MYZAP: variants seen among roughly 807,000 people sequenced by gnomAD.
MYZAP encodes myocardial zonula adherens protein, also known as GRINL1A complex locus upstream.
Under a neutral mutation model 69.4 loss-of-function variants are expected in MYZAP, and 66 were observed. The observed-to-expected ratio is 0.95, with a 90% confidence interval of 0.78 to 1.17. MYZAP has a LOEUF of 1.17. MYZAP is among the 50% of genes most tolerant of loss of function. The pLI is 0.00. For synonymous variants in MYZAP, 256 were observed against 205.9 expected (o/e 1.24, Z -2.09); for missense variants, 611 against 556.2 (o/e 1.10, Z -0.99).
At chr15:57,626,535 A>T (rs888142643) in intron 5 of MYZAP, among the ~76,000 whole-genome samples, 1 of 152,176 alleles carries the variant, frequency 6.6e-6, no homozygotes, top group African/African-American at 2.4e-5. Flanking sequence ...CAAGTCCCCT[A>T]ACATGCAAAT....
At chr15:57,632,234 A>C (rs1304137172) in intron 6 of MYZAP, among the ~76,000 whole-genome samples, 200 bp from the exon 7 acceptor site, 1 of 152,212 alleles carries the variant, frequency 6.6e-6, no homozygotes, top group Non-Finnish European at 1.5e-5. Context: ...AATTCGTGTG[A>C]AATGCCACTT....
In MYZAP at chr15:57,627,826, G is replaced by A. The variant is rs981272988; in HGVS notation, c.526-1876G>A. Among the ~76,000 whole-genome samples, 6 of 152,080 alleles carry A rather than the reference G, an allele frequency of 3.9e-5. No homozygotes were observed. The East Asian group carries it at 9.7e-4, about 24-fold the overall frequency. ...AGTGTAGGTTTTTGTGTGGATACAC[G>A]AGTAGAATCTGTGAAGCCAGTGGGG... On this transcript the variant is annotated intron_variant, in intron 5 of 12. Transcript: ENST00000267853.
intron 8 of MYZAP, among the ~76,000 whole-genome samples, chr15:57,634,959 A>G (rs1407757057): frequency 1.3e-5 from 2 of 152,160 alleles, no homozygotes; most frequent in Non-Finnish European, 2.9e-5. Flanking sequence ...CTCCTACAAC[A>G]GCAGAAGATC....
intron 10 of MYZAP, chr15:57,646,492 G>A (rs1045953574): frequency 9.7e-7 from 1 of 1,031,352 alleles, no homozygotes; most frequent in Non-Finnish European, 1.2e-6. Flanking sequence ...AATGAAAAAG[G>A]CTACTGAAAA....
intron 10 of MYZAP, among the ~76,000 whole-genome samples, chr15:57,652,374 A>AT (rs1308397989): frequency 1.3e-5 from 2 of 151,798 alleles, no homozygotes; most frequent in African/African-American, 2.4e-5. Flanking sequence ...TCTATGCATT[A>AT]TTTTTTTTGT....
At chr15:57,665,107 T>C (rs2038501190) in intron 11 of MYZAP, among the ~76,000 whole-genome samples, 1 of 152,214 alleles carries the variant, frequency 6.6e-6, no homozygotes, top group Non-Finnish European at 1.5e-5. Flanking sequence ...ATCCTCAAAG[T>C]TGGAGACTAT....
intron 2 of MYZAP, 32 bp from the exon 3 acceptor site, chr15:57,618,001 T>C (rs767599641): frequency 2.6e-5 from 41 of 1,604,156 alleles, no homozygotes; most frequent in Non-Finnish European, 3.3e-5. Context: ...AAAGAGTCAT[T>C]ATTCTTTTTT....
intron 12 of MYZAP, among the ~76,000 whole-genome samples, chr15:57,678,041 C>CAAAAAAAAAAAAAAAAAAA (rs56102709): frequency 8.6e-6 from 1 of 116,228 alleles, no homozygotes; most frequent in African/African-American, 3.5e-5. Context: ...TTATCTCTAC[C>CAAAAAAAAAAAAAAAAAAA]AAAAAAAAAA....
intron 2 of MYZAP, among the ~76,000 whole-genome samples, chr15:57,606,705 G>T (rs927515685): frequency 1.3e-5 from 2 of 149,594 alleles, no homozygotes; most frequent in Non-Finnish European, 3.0e-5. Flanking sequence ...TTGTGCACAT[G>T]TACCCTAAAA....
At chr15:57,607,199 G>A (rs189976934) in intron 2 of MYZAP, among the ~76,000 whole-genome samples, 1 of 152,166 alleles carries the variant, frequency 6.6e-6, no homozygotes, top group Admixed American at 6.5e-5. Flanking sequence ...GACGGTAGAG[G>A]AATTGGGGAA....
At position 57,593,188 on chromosome 15, in the gene MYZAP, G is replaced by GCACACACACA. The variant is rs199705290; in HGVS notation, c.75+1097_75+1106dup. On this transcript the variant is annotated intron_variant, in intron 1 of 12. Coordinates refer to ENST00000267853, the MANE Select transcript of MYZAP (RefSeq NM_001018100.5). ...AGACACTTAGGTTGTGTACACAGGC[G>GCACACACACA]CACACACACACACACACACACACAC... Among the ~76,000 whole-genome samples the GCACACACACA allele has an allele frequency of 5.6e-3, 639 of 114,192 alleles. 7 individuals are homozygous for GCACACACACA. The highest frequency in any genetic ancestry group is 0.021 in the African/African-American group (615 of 29,724). The allele number at this position is 114,192 out of a possible 152,430, so 74.9% of individuals were successfully genotyped here. A position where few individuals can be genotyped will look rare whatever the true frequency, so the allele number is the denominator to read the frequency against.
chr15:57,629,312 T>C (rs747897215), intron 5 of MYZAP, among the ~76,000 whole-genome samples: 20 of 152,224 alleles, frequency 1.3e-4, no homozygotes, highest in Non-Finnish European at 2.1e-4. Flanking sequence ...CCAATGCTTA[T>C]ACATATTTTT....
intron 3 of MYZAP, among the ~76,000 whole-genome samples, chr15:57,619,877 G>C (rs1200237097): frequency 6.6e-6 from 1 of 152,148 alleles, no homozygotes; most frequent in Non-Finnish European, 1.5e-5. Flanking sequence ...CTAATCCTGA[G>C]CTGTGGATGA....
At chr15:57,636,959 G>A (rs910560283) in intron 8 of MYZAP, among the ~76,000 whole-genome samples, 22 of 152,128 alleles carry the variant, frequency 1.4e-4, no homozygotes, top group African/African-American at 5.1e-4. Context: ...GCTCTAGAAG[G>A]GAATGCATTT....
chr15:57,661,485 G>A lies in MYZAP; in HGVS notation c.1155G>A (p.Gln385=), dbSNP rs780765509. The A allele has an allele frequency of 6.2e-6, 10 of 1,609,396 alleles. No homozygotes were observed. Among genetic ancestry groups the A allele is most frequent in the Non-Finnish European group, 8.5e-6 (10 of 1,178,856 alleles). The change falls in exon 11 of 13, where the codon CAG becomes CAA. Residue 385 remains glutamine (Q), a synonymous_variant. Transcript: ENST00000267853. ...ESLKKKLQQK[Q]LLILQLLEKI... Reference sequence around the variant, plus strand: ...TAAAGAAAAAGTTGCAACAGAAACAGCTCTTAATACTGCAGCTTTTAGAAA... The same window carrying A: ...TAAAGAAAAAGTTGCAACAGAAACAACTCTTAATACTGCAGCTTTTAGAAA...
chr15:57,593,188 G>GCATGCGCGCGCGCGCGCACACACACA, intron 1 of MYZAP, among the ~76,000 whole-genome samples: 68 of 114,198 alleles, frequency 6.0e-4, no homozygotes, highest in South Asian at 1.7e-3. Context: ...GTACACAGGC[G>GCATGCGCGCGCGCGCGCACACACACA]CACACACACA....
intron 10 of MYZAP, among the ~76,000 whole-genome samples, chr15:57,660,650 C>G (rs947402112): frequency 3.9e-5 from 6 of 152,080 alleles, no homozygotes; most frequent in South Asian, 2.1e-4. Flanking sequence ...TGTGAGCACA[C>G]AAATTTAATA....
At chr15:57,623,889 A>C (rs2035971077) in intron 4 of MYZAP, among the ~76,000 whole-genome samples, 1 of 152,166 alleles carries the variant, frequency 6.6e-6, no homozygotes, top group Admixed American at 6.5e-5. Context: ...GATGCAAGAA[A>C]ATATGTAGGA....
chr15:57,667,507 T>A (rs944446354), intron 11 of MYZAP, among the ~76,000 whole-genome samples: 2 of 152,216 alleles, frequency 1.3e-5, no homozygotes, highest in African/African-American at 4.8e-5. Flanking sequence ...AGAAGCAATC[T>A]TTTTTGTAGC....
Sources: gnomAD v4.1 joint callset for allele counts (sites outside exome capture counted in the v4.1 genomes callset) on GRCh38, gnomAD v4.1.1 for gene constraint, MANE v1.5 for transcripts, NCBI Gene and HGNC (gene_info 2026-07-23, HGNC 2026-07-21) for gene names.